Variants in LAMA2 observed in about 807,000 individuals in gnomAD.
LAMA2 encodes laminin subunit alpha 2.
LAMA2 carries 269 observed loss-of-function variants against 364.8 expected under a neutral mutation model. That is an observed-to-expected ratio of 0.74 (90% confidence interval 0.67 to 0.82). The LOEUF is 0.82. LAMA2 is among the 40% of genes least tolerant of loss of function. The pLI is 0.00. For synonymous variants in LAMA2, 1,379 were observed against 1,370.6 expected (o/e 1.01, Z -0.14); for missense variants, 3,807 against 3,873.2 (o/e 0.98, Z 0.45).
intron 4 of LAMA2, among the ~76,000 whole-genome samples, chr6:129,126,259 G>C (rs530935477): frequency 6.6e-6 from 1 of 152,274 alleles, no homozygotes; most frequent in East Asian, 1.9e-4. Context: ...CCAGCTTGTG[G>C]AGTAGGTTGT....
intron 4 of LAMA2, among the ~76,000 whole-genome samples, chr6:129,123,023 C>G (rs1480242268): frequency 6.6e-6 from 1 of 151,934 alleles, no homozygotes; most frequent in Non-Finnish European, 1.5e-5. Flanking sequence ...ACTGCGAGGC[C>G]GGGTGTGGTG....
At chr6:129,279,977 G>C (rs1309575971) in intron 17 of LAMA2, 84 bp from the exon 18 acceptor site, 1 of 892,498 alleles carries the variant, frequency 1.1e-6, no homozygotes, top group East Asian at 2.4e-5. Flanking sequence ...GAGCAGTAGT[G>C]GAGAGAGAGA....
At chr6:128,974,309 T>C (rs1208681732) in intron 1 of LAMA2, among the ~76,000 whole-genome samples, 1 of 152,122 alleles carries the variant, frequency 6.6e-6, no homozygotes, top group Non-Finnish European at 1.5e-5. Flanking sequence ...ATTGCTAAAA[T>C]CCAATTTCCA....
At chr6:129,267,270 C>T (rs755799765) in intron 16 of LAMA2, 51 bp downstream of exon 16, 5 of 1,183,948 alleles carry the variant, frequency 4.2e-6, no homozygotes, top group Middle Eastern at 1.9e-4. Context: ...GAAATCACCT[C>T]GACAGATGCT....
chr6:128,940,671 G>A (rs769853940), intron 1 of LAMA2, among the ~76,000 whole-genome samples: 26 of 152,326 alleles, frequency 1.7e-4, no homozygotes, highest in African/African-American at 4.6e-4. Context: ...GTTTGATAAA[G>A]CTGGACGTGG....
Position 129,416,740 on chromosome 6 carries a change from C to T in LAMA2, c.5866-11012C>T, listed in dbSNP as rs371839110. 4.0e-5 allele frequency among the ~76,000 whole-genome samples: 6 copies of T among 151,762 alleles called. No homozygotes were observed. In the South Asian group the frequency reaches 1.2e-3, roughly 32 times the overall value. ...TCCGCCCACTCAGCCTGGCAGGCTACACTTGGCTCACACTACCACTACTGG... is the reference window on the plus strand; with the variant it reads ...TCCGCCCACTCAGCCTGGCAGGCTATACTTGGCTCACACTACCACTACTGG... On this transcript the variant is annotated intron_variant, in intron 40 of 64. Transcript: ENST00000421865.
At chr6:129,238,728 G>T (rs866163230) in intron 12 of LAMA2, among the ~76,000 whole-genome samples, 6 of 152,054 alleles carry the variant, frequency 3.9e-5, no homozygotes, top group African/African-American at 1.2e-4. Context: ...TTAGAGCCAC[G>T]ATTGCTCCAT....
At chr6:129,271,147 A>G (rs1020469832) in intron 17 of LAMA2, among the ~76,000 whole-genome samples, 8 of 152,068 alleles carry the variant, frequency 5.3e-5, no homozygotes, top group African/African-American at 1.4e-4. Context: ...CCCATACACT[A>G]TTTTTTTGTG....
intron 9 of LAMA2, among the ~76,000 whole-genome samples, chr6:129,170,077 C>A (rs1350916926): frequency 1.3e-5 from 2 of 151,526 alleles, no homozygotes; most frequent in African/African-American, 4.9e-5. Flanking sequence ...GTCTTGCTAG[C>A]GGTCTATCAA....
chr6:129,189,672 A>G (rs1781419665), intron 10 of LAMA2, among the ~76,000 whole-genome samples: 1 of 152,154 alleles, frequency 6.6e-6, no homozygotes. Context: ...CAGTTTCTCT[A>G]CCTGTCAAAT....
At chr6:129,248,150 C>A (rs558355168) in intron 12 of LAMA2, among the ~76,000 whole-genome samples, 1 of 152,214 alleles carries the variant, frequency 6.6e-6, no homozygotes, top group South Asian at 2.1e-4. Flanking sequence ...ACTGCGCATG[C>A]GAGGGATCTA....
In LAMA2 at chr6:129,071,042, C is replaced by A. The variant is rs114569092; in HGVS notation, c.396+11146C>A. 5.7e-3 allele frequency among the ~76,000 whole-genome samples: 873 copies of A among 152,278 alleles called. 12 individuals are homozygous for A. Among genetic ancestry groups the A allele is most frequent in the African/African-American group, 0.02 (835 of 41,570 alleles). On this transcript the variant is annotated intron_variant, in intron 3 of 64. Transcript: ENST00000421865. ...TTCTAACTTGTATTCACCAGTGAAG[C>A]CATTTGATCTAGGAGTTTTCTCTGT...
At chr6:128,987,140 G>GTTTTTTTTTTTTTTTTTTTGT (rs764115716) in intron 1 of LAMA2, among the ~76,000 whole-genome samples, 1 of 121,358 alleles carries the variant, frequency 8.2e-6, no homozygotes, top group Non-Finnish European at 1.7e-5. Context: ...TTTTTTTTTT[G>GTTTTTTTTTTTTTTTTTTTGT]TTTTTTTTTT....
intron 37 of LAMA2, 109 bp from the exon 38 acceptor site, chr6:129,401,115 G>GTA (rs1192589033): frequency 1.3e-6 from 1 of 798,336 alleles, no homozygotes; most frequent in African/African-American, 1.7e-5. Flanking sequence ...TCAACATGAT[G>GTA]TACCTTTTTT....
At chr6:128,993,668 A>C (rs1043182270) in intron 1 of LAMA2, among the ~76,000 whole-genome samples, 6 of 152,174 alleles carry the variant, frequency 3.9e-5, no homozygotes, top group African/African-American at 1.4e-4. Flanking sequence ...TTTTAAAAAA[A>C]CATAAACTTT....
At chr6:129,209,229 A>G (rs976559714) in intron 12 of LAMA2, among the ~76,000 whole-genome samples, 14 of 152,190 alleles carry the variant, frequency 9.2e-5, no homozygotes, top group Admixed American at 8.5e-4. Context: ...TTTTTTGTTC[A>G]AGACAAGTAC....
chr6:128,991,507 TG>T (rs1783611721), intron 1 of LAMA2, among the ~76,000 whole-genome samples: 1 of 152,228 alleles, frequency 6.6e-6, no homozygotes, highest in Admixed American at 6.5e-5. Context: ...CATAAAAACT[TG>T]TTTTAGAATT....
chr6:129,292,714 G>A (rs1420329130), intron 20 of LAMA2: 2 of 737,720 alleles, frequency 2.7e-6, no homozygotes, highest in Non-Finnish European at 3.3e-6. Context: ...CTTACTGTAG[G>A]AAGTTTGAAA....
chr6:129,508,564 C>G (rs540737996), intron 62 of LAMA2, among the ~76,000 whole-genome samples: 13 of 152,176 alleles, frequency 8.5e-5, no homozygotes, highest in Non-Finnish European at 1.5e-4. Context: ...CTATCTATCT[C>G]CATGAGTTGA....
Sources: allele counts gnomAD v4.1 joint callset (sites outside exome capture counted in the v4.1 genomes callset), GRCh38; gene constraint gnomAD v4.1.1; transcripts MANE v1.5; gene names NCBI Gene and HGNC (gene_info 2026-07-23, HGNC 2026-07-21).